NUCB1: variants seen among roughly 807,000 people sequenced by gnomAD.
The protein encoded by NUCB1 is nucleobindin-1.
NUCB1 carries 47 observed loss-of-function variants against 61.2 expected under a neutral mutation model. The observed-to-expected ratio is 0.77, with a 90% CI of 0.61 to 0.98. NUCB1 has a LOEUF of 0.98. NUCB1 is among the 50% of genes least tolerant of loss of function. NUCB1 has a pLI of 0.00. For missense variants in NUCB1, 583 were observed against 605.3 expected (o/e 0.96, Z 0.39); for synonymous variants, 234 against 243.1 (o/e 0.96, Z 0.35).
chr19:48,920,627 A>C (rs1285061879), intron 10 of NUCB1, among the ~76,000 whole-genome samples: 4 of 151,628 alleles, frequency 2.6e-5, no homozygotes, highest in Admixed American at 6.6e-5. Flanking sequence ...AGGTTCAAGC[A>C]ATTCTCCTGC....
intron 5 of NUCB1, among the ~76,000 whole-genome samples, chr19:48,911,509 G>A (rs1002260535): frequency 1.3e-5 from 2 of 150,610 alleles, no homozygotes; most frequent in African/African-American, 2.4e-5. Context: ...GGGTTCAAGC[G>A]ATTCTCCTGC....
At chr19:48,917,695 T>G (rs1449058679) in intron 7 of NUCB1, among the ~76,000 whole-genome samples, 1 of 152,012 alleles carries the variant, frequency 6.6e-6, no homozygotes, top group Non-Finnish European at 1.5e-5. Context: ...GGGGTTTTAC[T>G]ATGCTGGCCA....
At chr19:48,921,392 G>T (rs2037608719) in intron 11 of NUCB1, 68 bp downstream of exon 11, 1 of 1,519,496 alleles carries the variant, frequency 6.6e-7, no homozygotes, top group East Asian at 2.5e-5. Flanking sequence ...CCCCATGGGT[G>T]TCCAGAAGCT....
intron 2 of NUCB1, 25 bp downstream of exon 2, chr19:48,900,956 A>C: frequency 1.2e-6 from 2 of 1,613,570 alleles, no homozygotes; most frequent in Non-Finnish European, 1.7e-6. Flanking sequence ...CCTGCTATCC[A>C]GCCAGGTGTT....
At chr19:48,919,838 G>A (rs112852717) in intron 10 of NUCB1, among the ~76,000 whole-genome samples, 3,438 of 145,098 alleles carry the variant, frequency 0.024, 128 homozygotes, top group African/African-American at 0.083. Flanking sequence ...GTGGGATCTC[G>A]GCTCACTGCA....
chr19:48,918,797 GA>G lies in NUCB1; in HGVS notation c.816+15del, dbSNP rs757380723. On this transcript the variant is annotated intron_variant, in intron 8 of 12. Transcript: ENST00000405315. Reference sequence around the variant, plus strand: ...CTTCACCAAGGAGGTGAGCATCTTGGAAGCCTCGGGCACCTGGAGGGACGCC... The same window carrying G: ...CTTCACCAAGGAGGTGAGCATCTTGGAGCCTCGGGCACCTGGAGGGACGCC... 6.8e-6 allele frequency: 11 copies of G among 1,612,890 alleles called. No homozygotes were observed. In the Admixed American group the frequency reaches 8.3e-5, roughly 12 times the overall value.
chr19:48,914,570 A>T (rs916026382), intron 7 of NUCB1, among the ~76,000 whole-genome samples: 1 of 152,244 alleles, frequency 6.6e-6, no homozygotes, highest in Non-Finnish European at 1.5e-5. Flanking sequence ...ACCATACTTT[A>T]GTAACTCCAC....
At chr19:48,916,427 G>A (rs992646533) in intron 7 of NUCB1, among the ~76,000 whole-genome samples, 16 of 151,764 alleles carry the variant, frequency 1.1e-4, no homozygotes, top group African/African-American at 3.9e-4. Context: ...AGGCCAGCCT[G>A]GGCAACATGG....
At position 48,919,066 on chromosome 19, in the gene NUCB1, G is replaced by C; in HGVS notation, c.853G>C (p.Asp285His). The change falls in exon 9 of 13, where the codon GAC (aspartate) becomes CAC (histidine). Residue 285 changes from aspartate (D) to histidine (H), a missense_variant. Coordinates refer to ENST00000405315, the MANE Select transcript of NUCB1 (RefSeq NM_006184.6). ...KVYDPKNEED[D>H]MREMEEERLR... ...GTACGACCCAAAGAATGAGGAGGACGACATGCGGGAGATGGAGGAGGAGCG... is the reference window on the plus strand; with the variant it reads ...GTACGACCCAAAGAATGAGGAGGACCACATGCGGGAGATGGAGGAGGAGCG... 1 of 1,614,080 alleles carries C rather than the reference G, an allele frequency of 6.2e-7. No homozygotes were observed. Among genetic ancestry groups the C allele is most frequent in the Non-Finnish European group, 8.5e-7 (1 of 1,180,014 alleles).
In NUCB1 at chr19:48,914,528, C is replaced by A. The variant is rs144973288; in HGVS notation, c.757+964C>A. Among the ~76,000 whole-genome samples the A allele has an allele frequency of 8.2e-3, 1,242 of 152,310 alleles. 13 individuals are homozygous for A. Among genetic ancestry groups the A allele is most frequent in the African/African-American group, 0.027 (1,107 of 41,564 alleles). On this transcript the variant is annotated intron_variant, in intron 7 of 12. Transcript: ENST00000405315. ...CTGTAAACAAAACAAAGTACCTCCCCCTCAGAGCCAGTGATCAGGCACACA... is the reference window on the plus strand; with the variant it reads ...CTGTAAACAAAACAAAGTACCTCCCACTCAGAGCCAGTGATCAGGCACACA...
intron 2 of NUCB1, among the ~76,000 whole-genome samples, chr19:48,902,388 C>G (rs893222467): frequency 1.3e-5 from 2 of 148,496 alleles, no homozygotes. Flanking sequence ...GGATTACAGG[C>G]ATGAGCCACC....
chr19:48,922,360 T>A lies in NUCB1; in HGVS notation c.1322T>A (p.Val441Glu). 6.2e-7 allele frequency: 1 copy of A among 1,613,528 alleles called. No homozygotes were observed. Among genetic ancestry groups the A allele is most frequent in the Non-Finnish European group, 8.5e-7 (1 of 1,179,758 alleles). Reference sequence around the variant, plus strand: ...GCTCCAGCCGGTGACCAGAAGGAGGTGGACACTTCAGAAAAGAAACTTCTC... The same window carrying A: ...GCTCCAGCCGGTGACCAGAAGGAGGAGGACACTTCAGAAAAGAAACTTCTC... Reference protein sequence around the residue: ...VPAPAGDQKEVDTSEKKLLER... With the variant: ...VPAPAGDQKEEDTSEKKLLER... The change falls in exon 13 of 13, where the codon GTG becomes GAG. Residue 441 changes from valine to glutamate, a missense_variant. Transcript: ENST00000405315.
intron 10 of NUCB1, 25 bp from the exon 11 acceptor site, chr19:48,921,129 G>C: frequency 6.3e-6 from 10 of 1,583,492 alleles, no homozygotes; most frequent in Non-Finnish European, 7.7e-6. Flanking sequence ...CTGTGCCCCT[G>C]ATGGCCCCTG....
At chr19:48,922,294 A>G (rs1429524384) in intron 12 of NUCB1, 24 bp from the exon 13 acceptor site, 1 of 1,594,552 alleles carries the variant, frequency 6.3e-7, no homozygotes, top group Admixed American at 1.7e-5. Context: ...GTCCTGTGCC[A>G]CCATTCCCTC....
At chr19:48,913,636 G>T in intron 7 of NUCB1, 72 bp downstream of exon 7, 3 of 1,286,948 alleles carry the variant, frequency 2.3e-6, no homozygotes, top group Non-Finnish European at 3.4e-6. Flanking sequence ...TGAATGCTAA[G>T]AGGGGTGTGT....
chr19:48,904,467 G>A lies in NUCB1; in HGVS notation c.243+13G>A, dbSNP rs767798907. ...GGAGGACATCAAGGTGCGGCTGGGG[G>A]AGTGGGGGCTGTGGGAGGGGTACGT... On this transcript the variant is annotated intron_variant, in intron 3 of 12. Transcript: ENST00000405315. The A allele has an allele frequency of 2.5e-6, 4 of 1,577,368 alleles. No homozygotes were observed. Among genetic ancestry groups the A allele is most frequent in the East Asian group, 2.2e-5 (1 of 44,642 alleles).
chr19:48,910,858 G>T (rs948041239), intron 4 of NUCB1: 28 of 256,974 alleles, frequency 1.1e-4, no homozygotes, highest in Non-Finnish European at 1.7e-4. Context: ...AACCCTTGTT[G>T]TCAGGATTTT....
chr19:48,912,548 A>G (rs1469582055), intron 5 of NUCB1, among the ~76,000 whole-genome samples: 1 of 152,116 alleles, frequency 6.6e-6, no homozygotes, highest in Non-Finnish European at 1.5e-5. Flanking sequence ...AAAAAGGGCG[A>G]CATCAGGCTG....
At chr19:48,918,993 CCT>C in intron 8 of NUCB1, 35 bp from the exon 9 acceptor site, 1 of 1,587,520 alleles carries the variant, frequency 6.3e-7, no homozygotes, top group Non-Finnish European at 8.6e-7. Flanking sequence ...TCGCTGGGGA[CCT>C]CTCAATGCTG....
Sources: gnomAD v4.1 joint callset for allele counts (sites outside exome capture counted in the v4.1 genomes callset) on GRCh38, gnomAD v4.1.1 for gene constraint, MANE v1.5 for transcripts, NCBI Gene and HGNC (gene_info 2026-07-23, HGNC 2026-07-21) for gene names.